The following PEX3 variants were observed in gnomAD, a reference collection of about 807,000 sequenced individuals.
The protein encoded by PEX3 is peroxin-3.
A neutral mutation model predicts 55.8 loss-of-function variants in PEX3; 30 were observed. That is an observed-to-expected ratio of 0.54 (90% confidence interval 0.40 to 0.73). PEX3 has a LOEUF of 0.73. PEX3 is among the 30% of genes least tolerant of loss of function. PEX3 has a pLI of 0.00. For missense variants in PEX3, 351 were observed against 432.8 expected (o/e 0.81, Z 1.68); for synonymous variants, 135 against 148.4 (o/e 0.91, Z 0.66).
At chr6:143,455,005 G>A (rs977428436) in intron 1 of PEX3, among the ~76,000 whole-genome samples, 1 of 152,100 alleles carries the variant, frequency 6.6e-6, no homozygotes, top group African/African-American at 2.4e-5. Flanking sequence ...AAATCACTTA[G>A]GGAGCTTAAT....
In PEX3 at chr6:143,473,247, A is replaced by G. The variant is rs148740333; in HGVS notation, c.747+919A>G. On this transcript the variant is annotated intron_variant, in intron 8 of 11. Coordinates refer to ENST00000367591, the MANE Select transcript of PEX3 (RefSeq NM_003630.3). ...GAGATCCTACATTCATGAGTAGGCCAAAAAAAAAGTTGCATCCCATTTAAG... is the reference window on the plus strand; with the variant it reads ...GAGATCCTACATTCATGAGTAGGCCGAAAAAAAAGTTGCATCCCATTTAAG... Among the ~76,000 whole-genome samples, 1,462 of 151,408 alleles carry G rather than the reference A, an allele frequency of 9.7e-3. 10 individuals are homozygous for G. Among genetic ancestry groups the G allele is most frequent in the Non-Finnish European group, 0.016 (1,050 of 67,714 alleles).
rs1446113425 is a variant in PEX3, at chr6:143,451,573, T to G, written c.73+458T>G. Among the ~76,000 whole-genome samples, 1 of 152,238 alleles carries G rather than the reference T, an allele frequency of 6.6e-6. No homozygotes were observed. The highest frequency in any genetic ancestry group is 2.4e-5 in the African/African-American group (1 of 41,466). On this transcript the variant is annotated intron_variant, in intron 1 of 11. Transcript: ENST00000367591. The surrounding 1 kb of genome is among the most constrained non-coding windows in gnomAD (Gnocchi z 4.1). ...ACTTCGGGTGGTGGTTAAAGTCGATTTGAATTTTTGAAAACAGCGCAGTTG... is the reference window on the plus strand; with the variant it reads ...ACTTCGGGTGGTGGTTAAAGTCGATGTGAATTTTTGAAAACAGCGCAGTTG...
chr6:143,473,363 G>C (rs1216826551), intron 8 of PEX3, among the ~76,000 whole-genome samples: 1 of 152,114 alleles, frequency 6.6e-6, no homozygotes, highest in African/African-American at 2.4e-5. Context: ...TTACAAAATA[G>C]AATCTCAAGG....
In PEX3 at chr6:143,482,138, C is replaced by G. The variant is rs1053266790; in HGVS notation, c.941+2940C>G. ...TAATGGAGTAAGGCTAGGAGAAGAC[C>G]AATTTTGAGATTCAATTAAGGAAAG... is the stretch of plus-strand genomic sequence containing the variant. On this transcript the variant is annotated intron_variant, in intron 10 of 11. Transcript: ENST00000367591. This position sits in a 1 kb window ranked among gnomAD's most constrained non-coding sequence, Gnocchi z 5.5. Among the ~76,000 whole-genome samples the G allele has an allele frequency of 3.3e-5, 5 of 151,950 alleles. No individual in the cohort carries two copies. The highest frequency in any genetic ancestry group is 1.2e-4 in the African/African-American group (5 of 41,384).
At position 143,465,930 on chromosome 6, in the gene PEX3, G is replaced by T. The variant is rs745895728; in HGVS notation, c.288-2192G>T. 6.6e-6 allele frequency among the ~76,000 whole-genome samples: 1 copy of T among 151,984 alleles called. No homozygotes were observed. ...TCTGAAAGTAATAATAAAGAATATG[G>T]ACTTGTGTTTTCTATATCTGTGGTT... is the stretch of plus-strand genomic sequence containing the variant. On this transcript the variant is annotated intron_variant, in intron 3 of 11. Coordinates refer to ENST00000367591, the MANE Select transcript of PEX3 (RefSeq NM_003630.3). The surrounding 1 kb of genome is among the most constrained non-coding windows in gnomAD (Gnocchi z 4.7).
intron 10 of PEX3, among the ~76,000 whole-genome samples, chr6:143,484,268 GT>G (rs1780283969): frequency 6.6e-6 from 1 of 152,084 alleles, no homozygotes; most frequent in African/African-American, 2.4e-5. Context: ...GCTCTAACAA[GT>G]TAAAAAGTTA....
At chr6:143,457,382 C>A (rs1322875091) in intron 1 of PEX3, among the ~76,000 whole-genome samples, 2 of 152,126 alleles carry the variant, frequency 1.3e-5, no homozygotes, top group African/African-American at 4.8e-5. Flanking sequence ...ACATTAATTG[C>A]ATATAAACAT....
At position 143,475,207 on chromosome 6, in the gene PEX3, A is replaced by G. The variant is rs2128747146; in HGVS notation, c.818+351A>G. ...TTTTGCCATATCCAATGAACCTGTA[A>G]TGTTCATCTTACTTGACCTTTCTCT... On this transcript the variant is annotated intron_variant, in intron 9 of 11. Coordinates refer to ENST00000367591, the MANE Select transcript of PEX3 (RefSeq NM_003630.3). The surrounding 1 kb of genome is among the most constrained non-coding windows in gnomAD (Gnocchi z 4.4). 6.6e-6 allele frequency among the ~76,000 whole-genome samples: 1 copy of G among 152,272 alleles called. No individual in the cohort carries two copies. Among genetic ancestry groups the G allele is most frequent in the Middle Eastern group, 3.4e-3 (1 of 294 alleles).
intron 1 of PEX3, among the ~76,000 whole-genome samples, chr6:143,452,919 T>A (rs1388574170): frequency 2.0e-5 from 3 of 152,216 alleles, no homozygotes; most frequent in Non-Finnish European, 4.4e-5. Context: ...CACTTTACGC[T>A]GGGCATTGTG....
chr6:143,484,116 G>A (rs551384548), intron 10 of PEX3, among the ~76,000 whole-genome samples: 27 of 152,220 alleles, frequency 1.8e-4, no homozygotes, highest in African/African-American at 5.5e-4. Flanking sequence ...AGGTTGAAAT[G>A]TATGAGATGT....
At chr6:143,456,420 T>TA (rs556567272) in intron 1 of PEX3, among the ~76,000 whole-genome samples, 1 of 152,196 alleles carries the variant, frequency 6.6e-6, no homozygotes, top group Non-Finnish European at 1.5e-5. Flanking sequence ...AGTTCAGTGC[T>TA]AAAATCAAGA....
Position 143,454,615 on chromosome 6 carries a change from T to TGAACTCATGGTTCA in PEX3, c.73+3511_73+3512insTCAGAACTCATGGT, listed in dbSNP as rs1173532779. On this transcript the variant is annotated intron_variant, in intron 1 of 11. Transcript: ENST00000367591. This position sits in a 1 kb window ranked among gnomAD's most constrained non-coding sequence, Gnocchi z 4.3. ...AAAGGAATAAGACAGATCCTGACTT[T>TGAACTCATGGTTCA]GAACTCATGGTACAGAAATGGAAAT... Among the ~76,000 whole-genome samples, 2 of 152,242 alleles carry TGAACTCATGGTTCA rather than the reference T, an allele frequency of 1.3e-5. No individual in the cohort carries two copies. The highest frequency in any genetic ancestry group is 2.9e-5 in the Non-Finnish European group (2 of 68,046).
chr6:143,460,686 G>A (rs1384072289), intron 2 of PEX3, among the ~76,000 whole-genome samples: 4 of 152,042 alleles, frequency 2.6e-5, no homozygotes, highest in Non-Finnish European at 5.9e-5. Context: ...CCAACGTGGA[G>A]AAACCCCATC....
At chr6:143,481,172 A>T (rs1443655230) in intron 10 of PEX3, among the ~76,000 whole-genome samples, 1 of 147,710 alleles carries the variant, frequency 6.8e-6, no homozygotes, top group African/African-American at 2.5e-5. Context: ...ATATATATAA[A>T]ATATATATGC....
In PEX3 at chr6:143,479,239, A is replaced by T. The variant is rs373701169; in HGVS notation, c.941+41A>T. On this transcript the variant is annotated intron_variant, in intron 10 of 11. Transcript: ENST00000367591. This position sits in a 1 kb window ranked among gnomAD's most constrained non-coding sequence, Gnocchi z 4.6. ...AAAATGTTATACTAATGAATGCTCT[A>T]AAAAAATGGTGCTTTGCTTGTCTTT... 82 of 1,478,772 alleles carry T rather than the reference A, an allele frequency of 5.5e-5. No homozygotes were observed. The African/African-American group carries it at 1.1e-3, about 19-fold the overall frequency. The allele number at this position is 1,478,772 out of a possible 1,614,324, so 91.6% of individuals were successfully genotyped here. A position where few individuals can be genotyped will look rare whatever the true frequency, so the allele number is the denominator to read the frequency against.
At chr6:143,481,787 G>A (rs183156725) in intron 10 of PEX3, among the ~76,000 whole-genome samples, 1 of 151,742 alleles carries the variant, frequency 6.6e-6, no homozygotes, top group Non-Finnish European at 1.5e-5. Context: ...GGAGGCCAAG[G>A]CAGGAAGATT....
rs1039675056 is a variant in PEX3, at chr6:143,462,584, GA to G, written c.206-324del. Among the ~76,000 whole-genome samples, 288 of 151,680 alleles carry G rather than the reference GA, an allele frequency of 1.9e-3. 1 individual carries two copies. Among genetic ancestry groups the G allele is most frequent in the African/African-American group, 6.8e-3 (281 of 41,424 alleles). ...TAAAAAATTTGGAGAGTATGGAAAA[GA>G]AAAAAAAGGAATTGTTCATAATCCA... On this transcript the variant is annotated intron_variant, in intron 2 of 11. Coordinates refer to ENST00000367591, the MANE Select transcript of PEX3 (RefSeq NM_003630.3). The surrounding 1 kb of genome is among the most constrained non-coding windows in gnomAD (Gnocchi z 4.1).
chr6:143,474,416 G>A (rs1298377926), intron 8 of PEX3, among the ~76,000 whole-genome samples: 1 of 149,646 alleles, frequency 6.7e-6, no homozygotes, highest in Non-Finnish European at 1.5e-5. Context: ...CCAAGATCAT[G>A]CCATTGCACT....
chr6:143,490,555 C>A lies in PEX3; in HGVS notation c.*1329C>A. Reference sequence around the variant, plus strand: ...ACATATGCTAATCTTGGCAAATCTGCCAAGCATGTCTTCACCAAGGGATAT... The same window carrying A: ...ACATATGCTAATCTTGGCAAATCTGACAAGCATGTCTTCACCAAGGGATAT... On this transcript the variant is annotated 3_prime_UTR_variant, in exon 12 of 12. Transcript: ENST00000367591. The surrounding 1 kb of genome is among the most constrained non-coding windows in gnomAD (Gnocchi z 6.0). 2.0e-6 allele frequency: 1 copy of A among 512,606 alleles called. No individual in the cohort carries two copies. Among genetic ancestry groups the A allele is most frequent in the Non-Finnish European group, 3.1e-6 (1 of 320,424 alleles). The allele number at this position is 512,606 out of a possible 1,614,324, so 31.8% of individuals were successfully genotyped here.
Sources: allele counts gnomAD v4.1 joint callset (sites outside exome capture counted in the v4.1 genomes callset), GRCh38; gene constraint gnomAD v4.1.1; non-coding constraint Gnocchi (gnomAD v3.1); transcripts MANE v1.5; gene names NCBI Gene and HGNC (gene_info 2026-07-23, HGNC 2026-07-21).